Variants in SEPTIN9 observed in about 807,000 individuals in gnomAD.
The protein encoded by SEPTIN9 is septin-9.
A neutral mutation model predicts 56.6 loss-of-function variants in SEPTIN9; 13 were observed. That is an observed-to-expected ratio of 0.23 (90% CI 0.15 to 0.37). The LOEUF is 0.37. Ranked by LOEUF, SEPTIN9 falls within the 10% of genes least tolerant of loss-of-function variation. The probability of loss-of-function intolerance (pLI) is 1.00; values close to 1 mark genes in which losing one functional copy is unlikely to be tolerated. For missense variants in SEPTIN9, 650 were observed against 823.1 expected, an observed-to-expected ratio of 0.79 and a Z score of 2.57; for synonymous variants, 332 against 334.1, an observed-to-expected ratio of 0.99 and a Z score of 0.07.
intron 3 of SEPTIN9, among the ~76,000 whole-genome samples, chr17:77,404,332 C>G (rs1387975327): frequency 6.6e-6 from 1 of 152,166 alleles, no homozygotes; most frequent in Non-Finnish European, 1.5e-5. Context: ...GCAACCTCTG[C>G]CCCCTGGGCT....
intron 1 of SEPTIN9, among the ~76,000 whole-genome samples, chr17:77,290,740 G>A (rs1232589124): frequency 2.4e-4 from 35 of 148,470 alleles, no homozygotes; most frequent in African/African-American, 7.9e-4. Context: ...GCATGAACCC[G>A]GAAGGCGGAG....
At chr17:77,493,124 C>G (rs1168805142) in intron 10 of SEPTIN9, 48 bp downstream of exon 10, 1 of 1,427,158 alleles carries the variant, frequency 7.0e-7, no homozygotes, top group African/African-American at 1.4e-5. Flanking sequence ...AAGACAGTCT[C>G]TTCTGCTGAC....
chr17:77,351,101 G>C (rs1388984525), intron 2 of SEPTIN9, among the ~76,000 whole-genome samples: 1 of 151,794 alleles, frequency 6.6e-6, no homozygotes, highest in Non-Finnish European at 1.5e-5. Context: ...ACTTGCACAT[G>C]TGTACACAGA....
At chr17:77,403,398 T>A (rs2144104661) in intron 3 of SEPTIN9, among the ~76,000 whole-genome samples, 1 of 152,324 alleles carries the variant, frequency 6.6e-6, no homozygotes, top group South Asian at 2.1e-4. Context: ...GGGGTGCCCT[T>A]CTGGCGAGAG....
At chr17:77,457,745 C>T (rs1007038069) in intron 3 of SEPTIN9, among the ~76,000 whole-genome samples, 7 of 152,234 alleles carry the variant, frequency 4.6e-5, no homozygotes, top group Admixed American at 6.5e-5. Flanking sequence ...GCAGTGTGCC[C>T]GTCCCCCTGG....
intron 3 of SEPTIN9, among the ~76,000 whole-genome samples, chr17:77,478,417 G>C (rs1035110205): frequency 2.0e-5 from 3 of 152,176 alleles, no homozygotes; most frequent in African/African-American, 7.2e-5. Context: ...TAAAGAGCTA[G>C]AGATATTTGT....
chr17:77,479,478 G>T (rs1343662426), intron 3 of SEPTIN9, among the ~76,000 whole-genome samples: 1 of 152,266 alleles, frequency 6.6e-6, no homozygotes, highest in Admixed American at 6.5e-5. Flanking sequence ...CGCCTCTCGA[G>T]GGAGGGGTTG....
At chr17:77,349,606 T>TA (rs1424544870) in intron 2 of SEPTIN9, among the ~76,000 whole-genome samples, 1 of 152,204 alleles carries the variant, frequency 6.6e-6, no homozygotes, top group Non-Finnish European at 1.5e-5. Context: ...TAAGACTTTT[T>TA]ATCCAAGTTT....
chr17:77,457,233 G>A (rs905960211), intron 3 of SEPTIN9, among the ~76,000 whole-genome samples: 4 of 152,144 alleles, frequency 2.6e-5, no homozygotes, highest in South Asian at 2.1e-4. Flanking sequence ...CCTCGCTCTG[G>A]CTGCGTACCG....
chr17:77,382,964 C>T (rs933532633), intron 2 of SEPTIN9, among the ~76,000 whole-genome samples: 9 of 152,234 alleles, frequency 5.9e-5, no homozygotes, highest in East Asian at 1.9e-4. Context: ...GGGCACAGAA[C>T]GGAGACCCTG....
intron 2 of SEPTIN9, among the ~76,000 whole-genome samples, chr17:77,334,638 A>G (rs768005030): frequency 1.3e-5 from 2 of 152,046 alleles, no homozygotes; most frequent in African/African-American, 2.4e-5. Context: ...TTTGTGACCT[A>G]TGGAGGAAAT....
chr17:77,291,035 T>A lies in SEPTIN9; in HGVS notation c.19+9481T>A, dbSNP rs543784405. Among the ~76,000 whole-genome samples, 12 of 142,344 alleles carry A rather than the reference T, an allele frequency of 8.4e-5. No homozygotes were observed. The East Asian group carries it at 2.5e-3, about 30-fold the overall frequency. The allele number at this position is 142,344 out of a possible 152,430, so 93.4% of individuals were successfully genotyped here. A position where few individuals can be genotyped will look rare whatever the true frequency, so the allele number is the denominator to read the frequency against. On this transcript the variant is annotated intron_variant, in intron 1 of 11. Coordinates refer to ENST00000427177, the MANE Select transcript of SEPTIN9 (RefSeq NM_001113491.2). ...TGTGCGCTGCATGCCTGGCTAATTT[T>A]TTTTTTTTTTTTTTTTTTGAGACAG...
At position 77,456,115 on chromosome 17, in the gene SEPTIN9, C is replaced by CA. The variant is rs1439897108; in HGVS notation, c.722-26028dup. 6.7e-6 allele frequency among the ~76,000 whole-genome samples: 1 copy of CA among 149,960 alleles called. No individual in the cohort carries two copies. The highest frequency in any genetic ancestry group is 1.5e-5 in the Non-Finnish European group (1 of 67,892). ...ACTGCCCGTGGCCGGTGTCATCTGC[C>CA]AGCCCTGAAGACTAATGATGGGCTG... On this transcript the variant is annotated intron_variant, in intron 3 of 11. Transcript: ENST00000427177. The surrounding 1 kb of genome is among the most constrained non-coding windows in gnomAD (Gnocchi z 6.0).
In SEPTIN9 at chr17:77,369,476, G is replaced by A. The variant is rs1351398638; in HGVS notation, c.77-32583G>A. ...GAGGGAAAGAGAGGAGTCAACAGTG[G>A]TGCCCGGAGACTTGGCTTGAGCAAC... On this transcript the variant is annotated intron_variant, in intron 2 of 11. Transcript: ENST00000427177. This position sits in a 1 kb window ranked among gnomAD's most constrained non-coding sequence, Gnocchi z 4.9. Among the ~76,000 whole-genome samples the A allele has an allele frequency of 1.3e-5, 2 of 152,064 alleles. No homozygotes were observed. The highest frequency in any genetic ancestry group is 2.9e-5 in the Non-Finnish European group (2 of 68,000).
At chr17:77,384,572 C>T (rs1351692251) in intron 2 of SEPTIN9, among the ~76,000 whole-genome samples, 1 of 151,954 alleles carries the variant, frequency 6.6e-6, no homozygotes, top group Non-Finnish European at 1.5e-5. Flanking sequence ...AGGTTCACAC[C>T]TGCAGCGCCC....
At chr17:77,381,750 C>T (rs923135218) in intron 2 of SEPTIN9, among the ~76,000 whole-genome samples, 3 of 152,184 alleles carry the variant, frequency 2.0e-5, no homozygotes, top group Non-Finnish European at 2.9e-5. Context: ...GGGATCCACT[C>T]GAGGAGCATT....
chr17:77,320,209 A>G (rs2032857050), intron 2 of SEPTIN9: 2 of 1,602,874 alleles, frequency 1.2e-6, no homozygotes, highest in Non-Finnish European at 8.5e-7. Flanking sequence ...GAGTGTTTTT[A>G]GAGGAGGAGG....
At position 77,405,017 on chromosome 17, in the gene SEPTIN9, T is replaced by C. The variant is rs1018137835; in HGVS notation, c.721+2314T>C. On this transcript the variant is annotated intron_variant, in intron 3 of 11. Transcript: ENST00000427177. This position sits in a 1 kb window ranked among gnomAD's most constrained non-coding sequence, Gnocchi z 5.8. ...CGGATACACCCCCATCCTGGGTTGA[T>C]GTGTTCACACTCAGCTGAGTCAAAC... is the stretch of plus-strand genomic sequence containing the variant. The C allele has an allele frequency of 2.2e-5, 32 of 1,455,444 alleles. 1 individual carries two copies. In the South Asian group the frequency reaches 2.5e-4, roughly 11 times the overall value. The allele number at this position is 1,455,444 out of a possible 1,614,324, so 90.2% of individuals were successfully genotyped here. A position where few individuals can be genotyped will look rare whatever the true frequency, so the allele number is the denominator to read the frequency against.
rs2032430698 is a variant in SEPTIN9 at position 77,310,061 on chromosome 17, C to T, written c.76+2864C>T. On this transcript the variant is annotated intron_variant, in intron 2 of 11. Transcript: ENST00000427177. The surrounding 1 kb of genome is among the most constrained non-coding windows in gnomAD (Gnocchi z 4.7). Reference sequence around the variant, plus strand: ...TGGCACCATCTCGGCTCACTGCAACCTCTGCCTCCTGGGTTCAAGCGATTC... The same window carrying T: ...TGGCACCATCTCGGCTCACTGCAACTTCTGCCTCCTGGGTTCAAGCGATTC... Among the ~76,000 whole-genome samples the T allele has an allele frequency of 6.6e-6, 1 of 152,108 alleles. No individual in the cohort carries two copies. Among genetic ancestry groups the T allele is most frequent in the African/African-American group, 2.4e-5 (1 of 41,418 alleles).
Sources: allele counts gnomAD v4.1 joint callset (sites outside exome capture counted in the v4.1 genomes callset), GRCh38; gene constraint gnomAD v4.1.1; non-coding constraint Gnocchi (gnomAD v3.1); transcripts MANE v1.5; gene names NCBI Gene and HGNC (gene_info 2026-07-23, HGNC 2026-07-21).